Variants in DAPK1 observed in about 807,000 individuals in gnomAD.
DAPK1 encodes death associated protein kinase 1.
DAPK1 carries 56 observed loss-of-function variants against 144.9 expected under a neutral mutation model. The observed-to-expected ratio is 0.39, with a 90% CI of 0.31 to 0.48. The LOEUF (loss-of-function observed/expected upper bound fraction) is 0.48, where lower values mean the gene tolerates loss of function less well. Among genes scored for constraint, DAPK1 ranks in the 20% least tolerant of loss-of-function variants. DAPK1 has a pLI of 0.95. For missense variants in DAPK1, 1,454 were observed against 1,875.4 expected (o/e 0.78, Z 4.15); for synonymous variants, 690 against 749.0 (o/e 0.92, Z 1.29).
In DAPK1 at chr9:87,639,747, T is replaced by C. The variant is rs774534999; in HGVS notation, c.603-42T>C. The C allele has an allele frequency of 3.1e-6, 5 of 1,613,136 alleles. No homozygotes were observed. The South Asian group carries it at 4.4e-5, about 14-fold the overall frequency. On this transcript the variant is annotated intron_variant, in intron 6 of 25. Coordinates refer to ENST00000408954, the MANE Select transcript of DAPK1 (RefSeq NM_004938.4). ...GTTTGCTTTCTGATTTATTTGACTA[T>C]TCTTCTGACATGTTTTTTTGTTTGT...
chr9:87,587,791 G>C (rs894681666), intron 2 of DAPK1, among the ~76,000 whole-genome samples: 3 of 152,250 alleles, frequency 2.0e-5, no homozygotes, highest in South Asian at 2.1e-4. Flanking sequence ...GCTCAAGATG[G>C]CTTCTTCAGA....
Position 87,542,469 on chromosome 9 carries a change from CTG to C in DAPK1, c.62+43332_62+43333del, listed in dbSNP as rs1168898140. On this transcript the variant is annotated intron_variant, in intron 2 of 25. Coordinates refer to ENST00000408954, the MANE Select transcript of DAPK1 (RefSeq NM_004938.4). ...CTGTGGTCAGCATTTCAGTGTGACACTGTAACCAGCATGCACATCATTCCTTA... is the reference window on the plus strand; with the variant it reads ...CTGTGGTCAGCATTTCAGTGTGACACTAACCAGCATGCACATCATTCCTTA... Among the ~76,000 whole-genome samples, 4 of 152,330 alleles carry C rather than the reference CTG, an allele frequency of 2.6e-5. 1 individual carries two copies. The East Asian group carries it at 7.7e-4, about 29-fold the overall frequency.
At chr9:87,559,757 G>C (rs756623077) in intron 2 of DAPK1, among the ~76,000 whole-genome samples, 1 of 152,134 alleles carries the variant, frequency 6.6e-6, no homozygotes, top group Admixed American at 6.5e-5. Context: ...GTGAGCAGGC[G>C]AATGTCTACA....
intron 18 of DAPK1, among the ~76,000 whole-genome samples, chr9:87,659,605 C>T (rs370896511): frequency 1.1e-4 from 17 of 152,298 alleles, no homozygotes; most frequent in African/African-American, 4.1e-4. Flanking sequence ...AGGGTCCCTC[C>T]GTGAGCCGCG....
At chr9:87,504,060 G>T (rs897027290) in intron 2 of DAPK1, among the ~76,000 whole-genome samples, 7 of 152,132 alleles carry the variant, frequency 4.6e-5, no homozygotes, top group Non-Finnish European at 1.0e-4. Context: ...ACCCTGTGTG[G>T]CTCATAGAAG....
At position 87,640,823 on chromosome 9, in the gene DAPK1, T is replaced by C. The variant is rs555981502; in HGVS notation, c.804T>C (p.Asp268=). 40 of 1,614,194 alleles carry C rather than the reference T, an allele frequency of 2.5e-5. 2 individuals are homozygous for C. In the South Asian group the frequency reaches 4.3e-4, roughly 17 times the overall value. The change falls in exon 9 of 26, where the codon GAT becomes GAC. Residue 268 remains aspartate (D), a synonymous_variant. Transcript: ENST00000408954. The stretch of plus-strand genomic sequence containing the variant: ...CAAGGAAGAGAATGACAATTCAAGA[T>C]AGTTTGCAGCATCCCTGGATCAAGG... ...KDPKKRMTIQ[D]SLQHPWIKPK... is the part of the protein sequence containing the mutation.
rs1266162109 is a variant in DAPK1, at chr9:87,707,026, C to A, written c.3955C>A (p.Pro1319Thr). The change falls in exon 26 of 26, where the codon CCG (proline) becomes ACG (threonine). Residue 1319 changes from proline to threonine, a missense_variant. By Grantham distance (38) the Pro-to-Thr change is conservative. Coordinates refer to ENST00000408954, the MANE Select transcript of DAPK1 (RefSeq NM_004938.4). This position sits in a 1 kb window ranked among gnomAD's most constrained non-coding sequence, Gnocchi z 4.0. ...GAGGAAACTGAGTCGCCTGCTGGAC[C>A]CGCCCGACCCCCTGGGGAAGGACTG... ...TRRKLSRLLDPPDPLGKDWCL... is the reference protein window; with the variant it reads ...TRRKLSRLLDTPDPLGKDWCL... 1 of 1,613,530 alleles carries A rather than the reference C, an allele frequency of 6.2e-7. No individual in the cohort carries two copies. The highest frequency in any genetic ancestry group is 8.5e-7 in the Non-Finnish European group (1 of 1,179,914).
At chr9:87,544,492 A>T (rs756158989) in intron 2 of DAPK1, among the ~76,000 whole-genome samples, 6 of 152,278 alleles carry the variant, frequency 3.9e-5, no homozygotes, top group Non-Finnish European at 7.3e-5. Flanking sequence ...ATGCATACAT[A>T]CACACTTGTG....
At chr9:87,528,173 T>C (rs1825578944) in intron 2 of DAPK1, among the ~76,000 whole-genome samples, 1 of 152,170 alleles carries the variant, frequency 6.6e-6, no homozygotes, top group Non-Finnish European at 1.5e-5. Flanking sequence ...TGATGTCTTA[T>C]CCATTTGGAA....
At chr9:87,539,953 G>A (rs1825984530) in intron 2 of DAPK1, among the ~76,000 whole-genome samples, 1 of 152,020 alleles carries the variant, frequency 6.6e-6, no homozygotes, top group Non-Finnish European at 1.5e-5. Flanking sequence ...AAGCCCGAGA[G>A]TAGTGATGCC....
intron 24 of DAPK1, 63 bp from the exon 25 acceptor site, chr9:87,702,966 T>C: frequency 1.3e-6 from 1 of 756,114 alleles, no homozygotes; most frequent in South Asian, 1.5e-5. Context: ...CTTTCCACTG[T>C]GGCTCTGCTC....
intron 2 of DAPK1, among the ~76,000 whole-genome samples, chr9:87,538,464 G>A (rs1825933288): frequency 6.6e-6 from 1 of 152,154 alleles, no homozygotes; most frequent in Non-Finnish European, 1.5e-5. Flanking sequence ...ATACATAAAA[G>A]CTATATCCTT....
chr9:87,543,545 A>T (rs1749515582), intron 2 of DAPK1, among the ~76,000 whole-genome samples: 1 of 152,176 alleles, frequency 6.6e-6, no homozygotes, highest in South Asian at 2.1e-4. Context: ...TTATTTTTTC[A>T]TTTCATGGAA....
intron 11 of DAPK1, among the ~76,000 whole-genome samples, chr9:87,645,048 A>T (rs918679732): frequency 6.6e-6 from 1 of 152,200 alleles, no homozygotes; most frequent in Non-Finnish European, 1.5e-5. Context: ...ATGGAGAGAA[A>T]TGCTTTCTCC....
At chr9:87,653,327 G>A (rs1830522087) in intron 17 of DAPK1, among the ~76,000 whole-genome samples, 1 of 152,262 alleles carries the variant, frequency 6.6e-6, no homozygotes, top group South Asian at 2.1e-4. Flanking sequence ...CTATTTGCAT[G>A]TGTTTGTTGT....
At chr9:87,501,471 G>C (rs1345867469) in intron 2 of DAPK1, among the ~76,000 whole-genome samples, 1 of 152,218 alleles carries the variant, frequency 6.6e-6, no homozygotes, top group Admixed American at 6.5e-5. Context: ...CCTGAACCTG[G>C]GAGGCGGAGG....
chr9:87,667,423 TA>T (rs1174468381), intron 18 of DAPK1, among the ~76,000 whole-genome samples: 1 of 152,142 alleles, frequency 6.6e-6, no homozygotes, highest in African/African-American at 2.4e-5. Context: ...AACTGGGAGT[TA>T]GGGGGTGCTA....
intron 17 of DAPK1, 146 bp from the exon 18 acceptor site, chr9:87,657,883 T>A (rs1456540128): frequency 3.0e-6 from 2 of 676,378 alleles, no homozygotes; most frequent in Non-Finnish European, 5.4e-6. Flanking sequence ...CCTGCCCCAG[T>A]GGAGAGCAAG....
chr9:87,683,038 G>A (rs1017889595), intron 20 of DAPK1, among the ~76,000 whole-genome samples: 4 of 151,748 alleles, frequency 2.6e-5, no homozygotes, highest in African/African-American at 7.3e-5. Flanking sequence ...AAATGTGACA[G>A]AAGGTTAAGA....
Sources: allele counts gnomAD v4.1 joint callset (sites outside exome capture counted in the v4.1 genomes callset), GRCh38; gene constraint gnomAD v4.1.1; non-coding constraint Gnocchi (gnomAD v3.1); transcripts MANE v1.5; gene names NCBI Gene and HGNC (gene_info 2026-07-23, HGNC 2026-07-21).